Variants in ZNF143 observed in about 807,000 individuals in gnomAD.
ZNF143 encodes SPH-binding factor.
A neutral mutation model predicts 74.1 loss-of-function variants in ZNF143; 49 were observed. The ratio of observed to expected loss-of-function variants is 0.66; its 90% CI spans 0.53 to 0.84. The LOEUF (loss-of-function observed/expected upper bound fraction) is 0.84, where lower values mean the gene tolerates loss of function less well. ZNF143 is among the 40% of genes least tolerant of loss of function. The probability of loss-of-function intolerance (pLI) is 0.00; values close to 1 mark genes in which losing one functional copy is unlikely to be tolerated. For synonymous variants in ZNF143, 304 were observed against 282.8 expected, an observed-to-expected ratio of 1.07 and a Z score of -0.75; for missense variants, 637 against 793.4, an observed-to-expected ratio of 0.80 and a Z score of 2.37.
intron 14 of ZNF143, among the ~76,000 whole-genome samples, chr11:9,522,641 C>T (rs1280690447): frequency 6.6e-6 from 1 of 152,082 alleles, no homozygotes; most frequent in African/African-American, 2.4e-5. Flanking sequence ...TTACAAGCAC[C>T]GGCCACCACA....
chr11:9,476,746 C>CTT lies in ZNF143; in HGVS notation c.374-1614_374-1613dup, dbSNP rs869069237. Among the ~76,000 whole-genome samples, 330 of 34,830 alleles carry CTT rather than the reference C, an allele frequency of 9.5e-3. 85 individuals are homozygous for CTT. The highest frequency in any genetic ancestry group is 0.029 in the African/African-American group (313 of 10,652). The allele number at this position is 34,830 out of a possible 152,430, so 22.8% of individuals were successfully genotyped here. On this transcript the variant is annotated intron_variant, in intron 5 of 15. Transcript: ENST00000396602. ...TTGTTGTGAAGCCAAAGGGAGGAATCTTTTTTTTTTTTTTTTTTTTTTTTT... is the reference window on the plus strand; with the variant it reads ...TTGTTGTGAAGCCAAAGGGAGGAATCTTTTTTTTTTTTTTTTTTTTTTTTTTT...
chr11:9,472,473 C>T (rs548597969), intron 2 of ZNF143, among the ~76,000 whole-genome samples: 1 of 152,202 alleles, frequency 6.6e-6, no homozygotes, highest in Admixed American at 6.5e-5. Context: ...AGGCTGGTGT[C>T]GAACTTCTGA....
At chr11:9,472,554 T>G (rs879574430) in intron 2 of ZNF143, 123 bp from the exon 3 acceptor site, 13 of 859,432 alleles carry the variant, frequency 1.5e-5, no homozygotes, top group Non-Finnish European at 2.3e-5. Context: ...ACCCGGCCGC[T>G]AAATCTCATT....
intron 5 of ZNF143, among the ~76,000 whole-genome samples, chr11:9,476,009 A>G (rs997363890): frequency 1.6e-4 from 25 of 152,186 alleles, no homozygotes; most frequent in South Asian, 4.1e-4. Context: ...GAAACTAAGT[A>G]TACAATGTCA....
chr11:9,462,708 C>G (rs1019962504), intron 1 of ZNF143, among the ~76,000 whole-genome samples: 2 of 152,020 alleles, frequency 1.3e-5, no homozygotes, highest in African/African-American at 4.8e-5. Flanking sequence ...ACCCCCGTCT[C>G]TGCGAAAAAT....
At chr11:9,494,989 T>C (rs1470129618) in intron 8 of ZNF143, among the ~76,000 whole-genome samples, 1 of 152,238 alleles carries the variant, frequency 6.6e-6, no homozygotes, top group Non-Finnish European at 1.5e-5. Context: ...GTATTCCTAA[T>C]GTCCAGGATA....
chr11:9,497,651 AT>A, intron 9 of ZNF143, 23 bp from the exon 10 acceptor site: 2 of 1,557,210 alleles, frequency 1.3e-6, no homozygotes, highest in Non-Finnish European at 1.8e-6. Context: ...GTGTAATTAA[AT>A]TTCTTTTAAT....
At chr11:9,475,910 ATGTGTGTGTGTGTGTGTGTGTGTG>A (rs61636956) in intron 5 of ZNF143, among the ~76,000 whole-genome samples, 5 of 137,372 alleles carry the variant, frequency 3.6e-5, no homozygotes, top group South Asian at 4.8e-4. Context: ...AAAAATATAT[ATGTGTGTGTGTGTGTGTGTGTGTG>A]TGTGTGTGTG....
At chr11:9,468,567 A>G (rs1457241269) in intron 1 of ZNF143, among the ~76,000 whole-genome samples, 2 of 152,250 alleles carry the variant, frequency 1.3e-5, no homozygotes, top group East Asian at 3.9e-4. Context: ...CCATACTTTA[A>G]CCCTTAGCAT....
intron 3 of ZNF143, 71 bp downstream of exon 3, chr11:9,472,840 G>A: frequency 8.9e-7 from 1 of 1,122,174 alleles, no homozygotes; most frequent in Non-Finnish European, 1.2e-6. Flanking sequence ...GCACCTAGAA[G>A]CTATACCACC....
chr11:9,501,461 T>C lies in ZNF143; in HGVS notation c.1147+191T>C, dbSNP rs1407627865. 2.0e-5 allele frequency among the ~76,000 whole-genome samples: 3 copies of C among 152,202 alleles called. No individual in the cohort carries two copies. In the East Asian group the frequency reaches 5.8e-4, roughly 29 times the overall value. On this transcript the variant is annotated intron_variant, in intron 11 of 15. Transcript: ENST00000396602. ...ATTTATTCAACAAACAGTTATTGAG[T>C]ATCTCCTGCCAGGCATCAAACATAG... is the stretch of plus-strand genomic sequence containing the variant.
At chr11:9,516,153 G>A (rs747322918) in intron 13 of ZNF143, 48 bp from the exon 14 acceptor site, 6 of 1,594,138 alleles carry the variant, frequency 3.8e-6, no homozygotes, top group Non-Finnish European at 5.2e-6. Context: ...AAGATTGTCA[G>A]CTATAACAAG....
chr11:9,471,551 GTGT>G (rs1565023185), intron 2 of ZNF143, 131 bp downstream of exon 2: 3 of 499,358 alleles, frequency 6.0e-6, no homozygotes, highest in South Asian at 3.8e-5. Context: ...AGGTGTTTTG[GTGT>G]TTTTTTTTTT....
At chr11:9,470,199 G>GT (rs1856488448) in intron 1 of ZNF143, among the ~76,000 whole-genome samples, 1 of 152,184 alleles carries the variant, frequency 6.6e-6, no homozygotes. Flanking sequence ...GTGATTGGTA[G>GT]AAGAGTTGCC....
intron 11 of ZNF143, among the ~76,000 whole-genome samples, chr11:9,507,199 G>A (rs1848395807): frequency 6.6e-6 from 1 of 152,056 alleles, no homozygotes; most frequent in Non-Finnish European, 1.5e-5. Flanking sequence ...ACTGCGAAAG[G>A]TGCAGTTACC....
intron 11 of ZNF143, among the ~76,000 whole-genome samples, chr11:9,501,538 A>G (rs1240729944): frequency 6.6e-6 from 1 of 152,212 alleles, no homozygotes; most frequent in Non-Finnish European, 1.5e-5. Flanking sequence ...TAGTAGACAT[A>G]CAGTTGCTGC....
chr11:9,478,564 C>T lies in ZNF143; in HGVS notation c.548C>T (p.Ala183Val). 1.2e-6 allele frequency: 2 copies of T among 1,614,098 alleles called. No homozygotes were observed. Among genetic ancestry groups the T allele is most frequent in the Middle Eastern group, 1.6e-4 (1 of 6,062 alleles). Residue 183 changes from alanine to valine, a missense_variant, in exon 6 of 16, where the codon GCT becomes GTT. Ala to Val is a moderately conservative substitution (Grantham distance 64). This residue lies in a region of ZNF143 where 293 missense variants were observed against 307.8 expected (regional missense o/e 0.95). Coordinates refer to ENST00000396602, the MANE Select transcript of ZNF143 (RefSeq NM_003442.6). ...ACAATTGACCCTGACACCATCAGTGCTTTGGAACAGTATGCAGCAAAGGTA... is the reference window on the plus strand; with the variant it reads ...ACAATTGACCCTGACACCATCAGTGTTTTGGAACAGTATGCAGCAAAGGTA... ...DATIDPDTIS[A>V]LEQYAAKVSI...
chr11:9,473,197 C>G (rs1314212158), intron 3 of ZNF143, among the ~76,000 whole-genome samples: 1 of 151,920 alleles, frequency 6.6e-6, no homozygotes, highest in East Asian at 1.9e-4. Context: ...TCGAGACCAG[C>G]CTGACCAACA....
chr11:9,464,215 T>C (rs1377997866), intron 1 of ZNF143, among the ~76,000 whole-genome samples: 1 of 151,944 alleles, frequency 6.6e-6, no homozygotes, highest in Non-Finnish European at 1.5e-5. Flanking sequence ...CACTGCAGCC[T>C]CAACCTCCCT....
Sources: allele counts gnomAD v4.1 joint callset (sites outside exome capture counted in the v4.1 genomes callset), GRCh38; gene constraint gnomAD v4.1.1; regional missense constraint gnomAD v4.1.1; transcripts MANE v1.5; gene names NCBI Gene and HGNC (gene_info 2026-07-23, HGNC 2026-07-21).